FGF12: variants seen among roughly 807,000 people sequenced by gnomAD.
The protein encoded by FGF12 is fibroblast growth factor 12, also known as fibroblast growth factor 12B.
In FGF12, 14 loss-of-function variants were observed where a neutral mutation model predicts 23.6. The observed-to-expected ratio is 0.59, with a 90% CI of 0.39 to 0.93. The LOEUF (loss-of-function observed/expected upper bound fraction) is 0.93, where lower values mean the gene tolerates loss of function less well. FGF12 is among the 40% of genes least tolerant of loss of function. The pLI is 0.00. For synonymous variants in FGF12, 62 were observed against 77.3 expected, an observed-to-expected ratio of 0.80 and a Z score of 1.04; for missense variants, 175 against 217.8, an observed-to-expected ratio of 0.80 and a Z score of 1.24.
chr3:192,489,728 C>G (rs1243136546), intron 2 of FGF12, among the ~76,000 whole-genome samples: 1 of 151,806 alleles, frequency 6.6e-6, no homozygotes, highest in African/African-American at 2.4e-5. Flanking sequence ...TATCTTGAGA[C>G]TAAAAAAGCA....
At chr3:192,633,622 T>C (rs1343644631) in intron 2 of FGF12, among the ~76,000 whole-genome samples, 4 of 152,086 alleles carry the variant, frequency 2.6e-5, no homozygotes, top group Admixed American at 2.6e-4. Context: ...GTCAGAGAAG[T>C]TAGGATGTGC....
chr3:192,695,884 A>C (rs1182445508), intron 2 of FGF12, among the ~76,000 whole-genome samples: 4 of 152,174 alleles, frequency 2.6e-5, no homozygotes, highest in African/African-American at 9.7e-5. Flanking sequence ...GGATCACTTA[A>C]GGTCAGAAGT....
intron 4 of FGF12, among the ~76,000 whole-genome samples, chr3:192,245,864 CAG>C (rs1711539581): frequency 6.6e-6 from 1 of 152,128 alleles, no homozygotes; most frequent in African/African-American, 2.4e-5. Context: ...TGACAGACAA[CAG>C]AGTCCTTGCT....
intron 2 of FGF12, among the ~76,000 whole-genome samples, chr3:192,487,445 C>T (rs1723670088): frequency 6.6e-6 from 1 of 152,094 alleles, no homozygotes; most frequent in African/African-American, 2.4e-5. Context: ...CATTGCTCAT[C>T]CAAGCCTAGT....
intron 2 of FGF12, among the ~76,000 whole-genome samples, chr3:192,411,353 A>G (rs770597188): frequency 6.6e-6 from 1 of 152,232 alleles, no homozygotes; most frequent in Non-Finnish European, 1.5e-5. Flanking sequence ...GGAGGATTAA[A>G]TAGGCAAGAC....
At chr3:192,490,045 A>G (rs930493940) in intron 2 of FGF12, among the ~76,000 whole-genome samples, 1 of 152,116 alleles carries the variant, frequency 6.6e-6, no homozygotes, top group Non-Finnish European at 1.5e-5. Flanking sequence ...CAGACTTAGT[A>G]TTTGAGAAAA....
intron 4 of FGF12, among the ~76,000 whole-genome samples, chr3:192,203,754 T>C (rs1455589317): frequency 6.6e-6 from 1 of 151,954 alleles, no homozygotes; most frequent in Non-Finnish European, 1.5e-5. Flanking sequence ...TTATTAGCTG[T>C]CACGCCCACC....
intron 2 of FGF12, among the ~76,000 whole-genome samples, chr3:192,490,741 G>A (rs74447456): frequency 0.016 from 2,501 of 152,086 alleles, 69 homozygotes; most frequent in African/African-American, 0.058. Context: ...GCAACAATAA[G>A]GATAGATCTC....
chr3:192,525,326 T>C (rs1177712426), intron 2 of FGF12, among the ~76,000 whole-genome samples: 2 of 152,186 alleles, frequency 1.3e-5, no homozygotes, highest in African/African-American at 4.8e-5. Flanking sequence ...GACACGTATC[T>C]TTCTCTGTAA....
intron 2 of FGF12, among the ~76,000 whole-genome samples, chr3:192,569,761 C>G (rs889628584): frequency 6.6e-6 from 1 of 152,206 alleles, no homozygotes; most frequent in Non-Finnish European, 1.5e-5. Flanking sequence ...AGATCTTACA[C>G]TTTCTTTATT....
intron 2 of FGF12, among the ~76,000 whole-genome samples, chr3:192,454,059 G>A (rs950913565): frequency 6.6e-6 from 1 of 150,944 alleles, no homozygotes; most frequent in African/African-American, 2.4e-5. Context: ...TGTTTTTTGA[G>A]ATGGAGTCTA....
At chr3:192,272,657 C>T (rs1020979189) in intron 4 of FGF12, among the ~76,000 whole-genome samples, 4 of 152,264 alleles carry the variant, frequency 2.6e-5, no homozygotes, top group Admixed American at 6.5e-5. Flanking sequence ...AGGATAACTG[C>T]GGCTCATTTG....
At chr3:192,527,311 A>G (rs756265217) in intron 2 of FGF12, among the ~76,000 whole-genome samples, 1 of 152,262 alleles carries the variant, frequency 6.6e-6, no homozygotes, top group African/African-American at 2.4e-5. Context: ...ATATTCTGTT[A>G]TAACAACAGA....
chr3:192,450,681 C>T (rs191032684), intron 2 of FGF12, among the ~76,000 whole-genome samples: 144 of 152,272 alleles, frequency 9.5e-4, no homozygotes, highest in Non-Finnish European at 1.8e-3. Context: ...ATATTAGAAT[C>T]TGAATAAAAA....
At chr3:192,697,925 C>T (rs1718175327) in intron 2 of FGF12, among the ~76,000 whole-genome samples, 1 of 152,118 alleles carries the variant, frequency 6.6e-6, no homozygotes, top group South Asian at 2.1e-4. Flanking sequence ...TCTTTCATGA[C>T]CTACCTAAGT....
rs180688783 is a variant in FGF12 at position 192,369,484 on chromosome 3, T to C, written c.14-8946A>G. Reference sequence around the variant, plus strand: ...ATCTTCATATTGTCTCAAAGCTACATGGAAAGAAAATAACCTTCATTTTTG... The same window carrying C: ...ATCTTCATATTGTCTCAAAGCTACACGGAAAGAAAATAACCTTCATTTTTG... On this transcript the variant is annotated intron_variant, in intron 2 of 5. Transcript: ENST00000445105. 1.5e-3 allele frequency among the ~76,000 whole-genome samples: 231 copies of C among 152,300 alleles called. 3 individuals are homozygous for C. Among genetic ancestry groups the C allele is most frequent in the African/African-American group, 5.0e-3 (209 of 41,556 alleles).
intron 4 of FGF12, among the ~76,000 whole-genome samples, chr3:192,189,264 A>G (rs539662269): frequency 6.6e-6 from 1 of 152,280 alleles, no homozygotes; most frequent in South Asian, 2.1e-4. Flanking sequence ...GAGAAAGACA[A>G]TATTAATTAG....
chr3:192,687,175 A>AAAG (rs971186690), intron 2 of FGF12, among the ~76,000 whole-genome samples: 4 of 151,720 alleles, frequency 2.6e-5, no homozygotes, highest in African/African-American at 9.7e-5. Flanking sequence ...AAAAAAAAAA[A>AAAG]AAAAAGAATC....
At chr3:192,159,186 A>C (rs1714724317) in intron 5 of FGF12, among the ~76,000 whole-genome samples, 1 of 152,134 alleles carries the variant, frequency 6.6e-6, no homozygotes, top group South Asian at 2.1e-4. Flanking sequence ...TTATCATTTA[A>C]TTCTTTCCAT....
Sources: gnomAD v4.1 joint callset for allele counts (sites outside exome capture counted in the v4.1 genomes callset) on GRCh38, gnomAD v4.1.1 for gene constraint, MANE v1.5 for transcripts, NCBI Gene and HGNC (gene_info 2026-07-23, HGNC 2026-07-21) for gene names.